The following CACNA1B variants were observed in gnomAD, a reference collection of about 807,000 sequenced individuals.
CACNA1B encodes voltage-dependent N-type calcium channel subunit alpha-1B.
Under a neutral mutation model 247.2 loss-of-function variants are expected in CACNA1B, and 70 were observed. The ratio of observed to expected loss-of-function variants is 0.28; its 90% CI spans 0.23 to 0.35. The LOEUF is 0.35. CACNA1B is among the 10% of genes least tolerant of loss of function. The pLI, the probability that CACNA1B is intolerant of heterozygous loss-of-function variation, is 1.00. For synonymous variants in CACNA1B, 1,231 were observed against 1,294.4 expected, an observed-to-expected ratio of 0.95 and a Z score of 1.05; for missense variants, 2,367 against 3,197.4, an observed-to-expected ratio of 0.74 and a Z score of 6.26.
rs925978078 is a variant in CACNA1B at position 138,020,698 on chromosome 9, C to A, written c.2268-2313C>A. Among the ~76,000 whole-genome samples, 14 of 152,308 alleles carry A rather than the reference C, an allele frequency of 9.2e-5. No individual in the cohort carries two copies. The highest frequency in any genetic ancestry group is 1.6e-4 in the Non-Finnish European group (11 of 68,002). ...CGGGCAGGTGCCCTAGCGTAGGCTG[C>A]TCAGCATGTTGCTCTGCCTGGGTGG... On this transcript the variant is annotated intron_variant, in intron 18 of 46. Transcript: ENST00000371372. This position sits in a 1 kb window ranked among gnomAD's most constrained non-coding sequence, Gnocchi z 4.1.
intron 15 of CACNA1B, among the ~76,000 whole-genome samples, chr9:138,000,668 T>C (rs891934168): frequency 6.6e-6 from 1 of 152,178 alleles, no homozygotes; most frequent in Non-Finnish European, 1.5e-5. Flanking sequence ...ACCAAAGCCA[T>C]GCAAGGACAA....
At position 138,030,532 on chromosome 9, in the gene CACNA1B, C is replaced by T. The variant is rs116199442; in HGVS notation, c.3286+5360C>T. 4.9e-3 allele frequency among the ~76,000 whole-genome samples: 748 copies of T among 152,086 alleles called. 5 individuals carry two copies. The highest frequency in any genetic ancestry group is 0.017 in the African/African-American group (710 of 41,498). On this transcript the variant is annotated intron_variant, in intron 20 of 46. Transcript: ENST00000371372. ...GTCTGTATTCATGAGGGATGTTGCT[C>T]TGTAGTTTTATTTTTTGTGCTGTCT...
At chr9:137,969,142 G>T (rs922356464) in intron 10 of CACNA1B, among the ~76,000 whole-genome samples, 1 of 152,216 alleles carries the variant, frequency 6.6e-6, no homozygotes, top group Non-Finnish European at 1.5e-5. Context: ...TGCTGCTGGG[G>T]TTGCTGAGCT....
chr9:137,929,678 G>C (rs956491775), intron 6 of CACNA1B, among the ~76,000 whole-genome samples: 1 of 152,074 alleles, frequency 6.6e-6, no homozygotes, highest in Admixed American at 6.6e-5. Flanking sequence ...TTTGGGACAG[G>C]GTCTTACTGT....
rs546717430 is a variant in CACNA1B, at chr9:137,986,699, A to G, written c.1902-83A>G. On this transcript the variant is annotated intron_variant, in intron 14 of 46. Coordinates refer to ENST00000371372, the MANE Select transcript of CACNA1B (RefSeq NM_000718.4). The surrounding 1 kb of genome is among the most constrained non-coding windows in gnomAD (Gnocchi z 6.0). ...CAGCCATCTGCAGCCTGAAGCGAGC[A>G]GGTTGAGGCCACGCTGGAGCCTGCA... 1 of 1,391,434 alleles carries G rather than the reference A, an allele frequency of 7.2e-7. No homozygotes were observed. The highest frequency in any genetic ancestry group is 2.3e-5 in the East Asian group (1 of 43,758). 86.2% of individuals were successfully genotyped at this position (1,391,434 alleles called of 1,614,324 possible). A position where few individuals can be genotyped will look rare whatever the true frequency, so the allele number is the denominator to read the frequency against.
At chr9:138,074,536 T>C (rs1960247865) in intron 34 of CACNA1B, among the ~76,000 whole-genome samples, 2 of 152,216 alleles carry the variant, frequency 1.3e-5, no homozygotes, top group Non-Finnish European at 2.9e-5. Flanking sequence ...CCACCGCGCC[T>C]GGCCTAAACT....
intron 15 of CACNA1B, among the ~76,000 whole-genome samples, chr9:137,997,434 A>G (rs1228429886): frequency 1.3e-5 from 2 of 152,242 alleles, no homozygotes; most frequent in Admixed American, 6.5e-5. Flanking sequence ...TGCAGATAGT[A>G]TTTACATAGA....
At chr9:137,992,323 G>A (rs1958440486) in intron 15 of CACNA1B, among the ~76,000 whole-genome samples, 2 of 152,108 alleles carry the variant, frequency 1.3e-5, no homozygotes, top group African/African-American at 4.8e-5. Context: ...TAGAGCAACA[G>A]CACTTAAAAA....
chr9:138,049,385 A>G (rs1466151365), intron 24 of CACNA1B, 70 bp downstream of exon 24: 4 of 1,025,634 alleles, frequency 3.9e-6, no homozygotes, highest in African/African-American at 1.6e-5. Context: ...GGGTGAGGGA[A>G]TAAGGAAGAG....
intron 6 of CACNA1B, among the ~76,000 whole-genome samples, chr9:137,945,507 A>G (rs886810910): frequency 2.0e-5 from 3 of 152,216 alleles, no homozygotes; most frequent in African/African-American, 7.2e-5. Flanking sequence ...GTGGCCCACT[A>G]TGAGTTTCCT....
chr9:137,903,038 C>T (rs998441907), intron 3 of CACNA1B, among the ~76,000 whole-genome samples: 2 of 152,218 alleles, frequency 1.3e-5, no homozygotes, highest in African/African-American at 4.8e-5. Flanking sequence ...CTGATTATTT[C>T]CTTGGGACAA....
rs1304733940 is a variant in CACNA1B, at chr9:138,054,426, G to C, written c.3968+420G>C. On this transcript the variant is annotated intron_variant, in intron 26 of 46. Coordinates refer to ENST00000371372, the MANE Select transcript of CACNA1B (RefSeq NM_000718.4). This position sits in a 1 kb window ranked among gnomAD's most constrained non-coding sequence, Gnocchi z 4.6. ...GAGGCCTCAGAGCTTCCTGTGCCCA[G>C]CGCTGCCTCCAAAGTAGACAGGAGA... Among the ~76,000 whole-genome samples, 1 of 152,232 alleles carries C rather than the reference G, an allele frequency of 6.6e-6. No homozygotes were observed. The highest frequency in any genetic ancestry group is 1.5e-5 in the Non-Finnish European group (1 of 68,032).
At chr9:138,036,430 C>T (rs527962938) in intron 20 of CACNA1B, among the ~76,000 whole-genome samples, 2 of 152,322 alleles carry the variant, frequency 1.3e-5, no homozygotes, top group East Asian at 3.9e-4. Flanking sequence ...TGAGCCACCG[C>T]TCCCGGCCTT....
Position 137,957,848 on chromosome 9 carries a change from A to G in CACNA1B, c.1333+161A>G, listed in dbSNP as rs563142086. Among the ~76,000 whole-genome samples, 4 of 152,058 alleles carry G rather than the reference A, an allele frequency of 2.6e-5. No individual in the cohort carries two copies. Among genetic ancestry groups the G allele is most frequent in the Non-Finnish European group, 4.4e-5 (3 of 68,008 alleles). Reference sequence around the variant, plus strand: ...TGCTGCTCCTGGCTTTGTGACCCCCATGTGGACATAGGGCCCTTAGCCATA... The same window carrying G: ...TGCTGCTCCTGGCTTTGTGACCCCCGTGTGGACATAGGGCCCTTAGCCATA... On this transcript the variant is annotated intron_variant, in intron 10 of 46. Transcript: ENST00000371372. This position sits in a 1 kb window ranked among gnomAD's most constrained non-coding sequence, Gnocchi z 4.7.
intron 20 of CACNA1B, among the ~76,000 whole-genome samples, chr9:138,038,423 AC>A (rs1038199752): frequency 2.0e-5 from 3 of 151,080 alleles, no homozygotes; most frequent in Non-Finnish European, 2.9e-5. Flanking sequence ...TGTGGATTCC[AC>A]CCCCCCACCC....
At chr9:138,021,844 C>G (rs899001540) in intron 18 of CACNA1B, among the ~76,000 whole-genome samples, 2 of 152,252 alleles carry the variant, frequency 1.3e-5, no homozygotes, top group African/African-American at 4.8e-5. Context: ...GACACAGATG[C>G]CATGGCCCTC....
intron 6 of CACNA1B, among the ~76,000 whole-genome samples, chr9:137,943,527 G>A (rs1957758228): frequency 6.6e-6 from 1 of 151,932 alleles, no homozygotes; most frequent in Non-Finnish European, 1.5e-5. Flanking sequence ...TTTGGTGTAG[G>A]GTAAGCTTCA....
chr9:137,922,725 A>T (rs1056548793), intron 6 of CACNA1B, among the ~76,000 whole-genome samples: 5 of 152,230 alleles, frequency 3.3e-5, no homozygotes, highest in Non-Finnish European at 7.3e-5. Flanking sequence ...GTAGATTCAC[A>T]TGCAGTAGTG....
chr9:137,911,321 A>G (rs1327934462), intron 3 of CACNA1B, among the ~76,000 whole-genome samples: 1 of 152,220 alleles, frequency 6.6e-6, no homozygotes, highest in Non-Finnish European at 1.5e-5. Context: ...GTCTTCCCGT[A>G]GCATTGGGCT....
Sources: allele counts gnomAD v4.1 joint callset (sites outside exome capture counted in the v4.1 genomes callset), GRCh38; gene constraint gnomAD v4.1.1; non-coding constraint Gnocchi (gnomAD v3.1); transcripts MANE v1.5; gene names NCBI Gene and HGNC (gene_info 2026-07-23, HGNC 2026-07-21).